LRRC20: variants seen among roughly 807,000 people sequenced by gnomAD.
The protein encoded by LRRC20 is leucine-rich repeat-containing protein 20.
LRRC20 carries 11 observed loss-of-function variants against 14.4 expected under a neutral mutation model. The observed-to-expected ratio is 0.77, with a 90% CI of 0.48 to 1.27. The LOEUF is 1.27. Among genes scored for constraint, LRRC20 ranks in the 50% most tolerant of loss-of-function variants. The pLI is 0.00. For missense variants in LRRC20, 219 were observed against 251.2 expected (o/e 0.87, Z 0.87); for synonymous variants, 121 against 107.3 (o/e 1.13, Z -0.79).
At chr10:70,329,287 C>G (rs1842443425) in intron 3 of LRRC20, among the ~76,000 whole-genome samples, 1 of 152,128 alleles carries the variant, frequency 6.6e-6, no homozygotes, top group Non-Finnish European at 1.5e-5. Context: ...TGAAAAAAAC[C>G]AGTTCGGCAA....
chr10:70,372,957 T>C (rs1308689621), intron 2 of LRRC20, among the ~76,000 whole-genome samples: 1 of 114,516 alleles, frequency 8.7e-6, no homozygotes, highest in African/African-American at 3.2e-5. Flanking sequence ...AAAAAAAAAA[T>C]AGAAAAATAA....
At chr10:70,353,771 C>T (rs187845498) in intron 2 of LRRC20, among the ~76,000 whole-genome samples, 1 of 152,242 alleles carries the variant, frequency 6.6e-6, no homozygotes, top group Non-Finnish European at 1.5e-5. Context: ...CTCCTAACCA[C>T]CATGCTACAC....
At chr10:70,304,470 T>TTATATAGATAGATAGATATATATATATA (rs1554835659) in intron 4 of LRRC20, among the ~76,000 whole-genome samples, 1 of 113,826 alleles carries the variant, frequency 8.8e-6, no homozygotes, top group African/African-American at 3.0e-5. Flanking sequence ...GGCCACTTCT[T>TTATATAGATAGATAGATATATATATATA]TATATATATA....
At chr10:70,319,578 C>G (rs982920445) in intron 4 of LRRC20, among the ~76,000 whole-genome samples, 2 of 152,196 alleles carry the variant, frequency 1.3e-5, no homozygotes, top group African/African-American at 4.8e-5. Context: ...CTCCCCTACA[C>G]CTGTGACCAG....
rs903647197 is a variant in LRRC20 at position 70,368,319 on chromosome 10, G to A, written c.82+8133C>T. Among the ~76,000 whole-genome samples the A allele has an allele frequency of 1.9e-4, 28 of 151,188 alleles. 1 individual carries two copies. The highest frequency in any genetic ancestry group is 5.8e-4 in the African/African-American group (24 of 41,190). ...ACTACAGGCGCCCACCACCACGCCC[G>A]GCTAATTTTTTGTATTTTTAGTACA... On this transcript the variant is annotated intron_variant, in intron 2 of 4. Transcript: ENST00000446961.
At chr10:70,307,859 T>C (rs1841484403) in intron 4 of LRRC20, among the ~76,000 whole-genome samples, 1 of 152,236 alleles carries the variant, frequency 6.6e-6, no homozygotes, top group Admixed American at 6.5e-5. Flanking sequence ...GTCGACAAGA[T>C]GCCTGCATGC....
chr10:70,305,146 T>C lies in LRRC20; in HGVS notation c.401-3638A>G, dbSNP rs556431675. 4.2e-4 allele frequency among the ~76,000 whole-genome samples: 64 copies of C among 152,306 alleles called. No individual in the cohort carries two copies. The South Asian group carries it at 0.013, about 31-fold the overall frequency. ...TTGCAGTGAGCCGAGATCACACCAC[T>C]GCACTCCAGCCTGGGCAACAAGAGC... On this transcript the variant is annotated intron_variant, in intron 4 of 4. Transcript: ENST00000446961.
intron 3 of LRRC20, among the ~76,000 whole-genome samples, chr10:70,329,850 C>A (rs1842469892): frequency 6.6e-6 from 1 of 152,220 alleles, no homozygotes; most frequent in African/African-American, 2.4e-5. Flanking sequence ...CAGGCGTGAG[C>A]CACCTCGCCC....
chr10:70,365,653 T>C (rs1267404609), intron 2 of LRRC20, among the ~76,000 whole-genome samples: 1 of 152,042 alleles, frequency 6.6e-6, no homozygotes, highest in Non-Finnish European at 1.5e-5. Context: ...ATTGTGCCTG[T>C]GAACAGCACT....
intron 4 of LRRC20, among the ~76,000 whole-genome samples, chr10:70,315,346 C>T (rs1400775953): frequency 6.6e-6 from 1 of 152,122 alleles, no homozygotes; most frequent in Non-Finnish European, 1.5e-5. Flanking sequence ...TCAAAAGTGT[C>T]CCCAGAGGGT....
chr10:70,368,936 T>C (rs1050798634), intron 2 of LRRC20, among the ~76,000 whole-genome samples: 1 of 152,188 alleles, frequency 6.6e-6, no homozygotes, highest in Admixed American at 6.5e-5. Flanking sequence ...ATCTGCATTT[T>C]TAACCAGTAC....
At chr10:70,346,882 T>C (rs1843092075) in intron 2 of LRRC20, among the ~76,000 whole-genome samples, 1 of 152,200 alleles carries the variant, frequency 6.6e-6, no homozygotes, top group Non-Finnish European at 1.5e-5. Flanking sequence ...AATTAATGTA[T>C]CATAAAATTA....
intron 1 of LRRC20, among the ~76,000 whole-genome samples, chr10:70,378,276 T>C (rs1345670381): frequency 6.6e-6 from 1 of 152,166 alleles, no homozygotes; most frequent in Non-Finnish European, 1.5e-5. Flanking sequence ...CTCAGTGTTC[T>C]CTCCTTCCTC....
chr10:70,330,568 G>A (rs1842500372), intron 3 of LRRC20, among the ~76,000 whole-genome samples: 1 of 152,156 alleles, frequency 6.6e-6, no homozygotes, highest in South Asian at 2.1e-4. Context: ...CAATGTATGT[G>A]CCAAATTCCA....
chr10:70,342,187 G>A (rs1842940808), intron 2 of LRRC20, among the ~76,000 whole-genome samples: 1 of 152,026 alleles, frequency 6.6e-6, no homozygotes, highest in African/African-American at 2.4e-5. Context: ...GCACATGCCT[G>A]CAATCCCAAC....
At position 70,300,218 on chromosome 10, in the gene LRRC20, G is replaced by T; in HGVS notation, c.*1136C>A. ...GGTTCTTCAAGCCACAGGCGTTCTC[G>T]GGAAGCAAGAGCCCCAGGCCCTCTC... is the stretch of plus-strand genomic sequence containing the variant. On this transcript the variant is annotated 3_prime_UTR_variant, in exon 5 of 5. Coordinates refer to ENST00000446961, the MANE Select transcript of LRRC20 (RefSeq NM_001278212.2). 3.2e-6 allele frequency: 1 copy of T among 316,048 alleles called. No individual in the cohort carries two copies. The highest frequency in any genetic ancestry group is 4.6e-6 in the Non-Finnish European group (1 of 218,138). 19.6% of individuals were successfully genotyped at this position (316,048 alleles called of 1,614,324 possible).
At chr10:70,346,078 C>T (rs192343387) in intron 2 of LRRC20, among the ~76,000 whole-genome samples, 110 of 152,222 alleles carry the variant, frequency 7.2e-4, no homozygotes, top group African/African-American at 2.5e-3. Context: ...CATGATGAAA[C>T]CCTATCTCTA....
At chr10:70,337,724 C>T (rs537236978) in intron 3 of LRRC20, among the ~76,000 whole-genome samples, 48 of 152,198 alleles carry the variant, frequency 3.2e-4, no homozygotes, top group Non-Finnish European at 6.2e-4. Flanking sequence ...GCAGTCCCTT[C>T]CAGCATTTTG....
At chr10:70,307,204 A>G (rs1024415883) in intron 4 of LRRC20, among the ~76,000 whole-genome samples, 1 of 152,234 alleles carries the variant, frequency 6.6e-6, no homozygotes, top group African/African-American at 2.4e-5. Context: ...AGGACTGTGT[A>G]CATCGAATCC....
Sources: gnomAD v4.1 joint callset for allele counts (sites outside exome capture counted in the v4.1 genomes callset) on GRCh38, gnomAD v4.1.1 for gene constraint, MANE v1.5 for transcripts, NCBI Gene and HGNC (gene_info 2026-07-23, HGNC 2026-07-21) for gene names.